KALRN: variants seen among roughly 807,000 people sequenced by gnomAD.
The protein encoded by KALRN is kalirin RhoGEF kinase.
KALRN carries 70 observed loss-of-function variants against 353.7 expected under a neutral mutation model. The observed-to-expected ratio is 0.20, with a 90% confidence interval of 0.16 to 0.24. The LOEUF (loss-of-function observed/expected upper bound fraction) is 0.24. Ranked by LOEUF, KALRN falls within the 10% of genes least tolerant of loss-of-function variation. The probability of loss-of-function intolerance (pLI) is 1.00; values close to 1 mark genes in which losing one functional copy is unlikely to be tolerated. For synonymous variants in KALRN, 1,391 were observed against 1,434.8 expected (o/e 0.97, Z 0.69); for missense variants, 2,791 against 3,756.7 (o/e 0.74, Z 6.72).
At chr3:124,331,128 A>G (rs1235699995) in intron 8 of KALRN, among the ~76,000 whole-genome samples, 2 of 152,206 alleles carry the variant, frequency 1.3e-5, no homozygotes, top group Non-Finnish European at 2.9e-5. Flanking sequence ...AAGTAGTAAC[A>G]CCTGTCTCAT....
intron 5 of KALRN, among the ~76,000 whole-genome samples, chr3:124,269,664 G>C (rs556645943): frequency 6.6e-6 from 1 of 152,308 alleles, no homozygotes; most frequent in African/African-American, 2.4e-5. Context: ...AACAAAAACA[G>C]TACTGTTAAC....
intron 3 of KALRN, among the ~76,000 whole-genome samples, chr3:124,246,728 T>C (rs1683678579): frequency 6.6e-6 from 1 of 152,230 alleles, no homozygotes; most frequent in African/African-American, 2.4e-5. Flanking sequence ...ATTAGGAAGC[T>C]GAAGTGTCTG....
chr3:124,459,810 A>G (rs576028489), intron 23 of KALRN, among the ~76,000 whole-genome samples: 1 of 152,338 alleles, frequency 6.6e-6, no homozygotes, highest in Admixed American at 6.5e-5. Context: ...ATGAAGTAGG[A>G]CCACAGGTTC....
Position 124,684,721 on chromosome 3 carries a change from C to T in KALRN, c.7377+5204C>T, listed in dbSNP as rs535010273. 4.6e-5 allele frequency among the ~76,000 whole-genome samples: 7 copies of T among 152,304 alleles called. No individual in the cohort carries two copies. The South Asian group carries it at 1.4e-3, about 32-fold the overall frequency. ...ACATTGAGATCCCGACCGAAGAGGA[C>T]GTGGAAGATTCTGTGCTTTGGCCAG... is the stretch of plus-strand genomic sequence containing the variant. On this transcript the variant is annotated intron_variant, in intron 51 of 59. Transcript: ENST00000682506.
chr3:124,179,887 C>T (rs566462975), intron 1 of KALRN, among the ~76,000 whole-genome samples: 5 of 152,162 alleles, frequency 3.3e-5, no homozygotes, highest in Admixed American at 1.3e-4. Context: ...AGTTTCGGAC[C>T]GAGGCTGGCT....
chr3:124,429,675 T>C (rs1389978842), intron 15 of KALRN, among the ~76,000 whole-genome samples: 1 of 152,214 alleles, frequency 6.6e-6, no homozygotes, highest in Non-Finnish European at 1.5e-5. Context: ...TAGAACTGTC[T>C]AGACAGTGTC....
chr3:124,717,456 G>A (rs2063188903), intron 59 of KALRN, 71 bp downstream of exon 59: 2 of 1,116,396 alleles, frequency 1.8e-6, no homozygotes, highest in Non-Finnish European at 2.5e-6. Flanking sequence ...GGAGGCCAAG[G>A]TGGGCGGATC....
At chr3:124,277,460 G>T (rs1158559449) in intron 5 of KALRN, among the ~76,000 whole-genome samples, 1 of 152,118 alleles carries the variant, frequency 6.6e-6, no homozygotes, top group Non-Finnish European at 1.5e-5. Context: ...TTTCCAGCCT[G>T]CTGGTCCTGG....
chr3:124,284,159 G>C (rs968286008), intron 5 of KALRN, among the ~76,000 whole-genome samples: 7 of 152,148 alleles, frequency 4.6e-5, no homozygotes, highest in Middle Eastern at 3.2e-3. Flanking sequence ...ATCAAGGCTG[G>C]CTTGGTCTCC....
chr3:124,062,575 C>T (rs200185209), intron 1 of KALRN, among the ~76,000 whole-genome samples: 2 of 152,132 alleles, frequency 1.3e-5, no homozygotes, highest in African/African-American at 2.4e-5. Flanking sequence ...CATCTTTAAC[C>T]CTGCATTAGA....
At chr3:124,662,721 T>C (rs1339818354) in intron 45 of KALRN, among the ~76,000 whole-genome samples, 1 of 152,210 alleles carries the variant, frequency 6.6e-6, no homozygotes, top group Non-Finnish European at 1.5e-5. Flanking sequence ...ACAAGTTTAC[T>C]AGGGCTGCCA....
chr3:124,392,660 A>AGT (rs2089592385), intron 11 of KALRN, among the ~76,000 whole-genome samples: 1 of 144,038 alleles, frequency 6.9e-6, no homozygotes, highest in Non-Finnish European at 1.5e-5. Context: ...GCTGGAGTGC[A>AGT]GCGGTGCAAT....
chr3:124,502,971 G>A (rs2064779523), intron 33 of KALRN, among the ~76,000 whole-genome samples: 1 of 152,192 alleles, frequency 6.6e-6, no homozygotes, highest in South Asian at 2.1e-4. Context: ...AGCATGTTAG[G>A]TTTAGCTGTG....
At chr3:124,550,040 T>C (rs962911285) in intron 33 of KALRN, among the ~76,000 whole-genome samples, 2 of 152,048 alleles carry the variant, frequency 1.3e-5, no homozygotes, top group Non-Finnish European at 1.5e-5. Flanking sequence ...ATGAGAAGAA[T>C]GGACAGTGGG....
chr3:124,305,712 A>G (rs916325901), intron 6 of KALRN, among the ~76,000 whole-genome samples: 1 of 152,000 alleles, frequency 6.6e-6, no homozygotes, highest in African/African-American at 2.4e-5. Context: ...GAATATTTCA[A>G]TAATCCAGTC....
At position 124,671,774 on chromosome 3, in the gene KALRN, G is replaced by A; in HGVS notation, c.6818G>A (p.Gly2273Asp). ...SPRPYSSVPA[G>D]SEKPPKGSSY... The stretch of plus-strand genomic sequence containing the variant: ...AGGCCCTACTCCTCTGTTCCTGCGG[G>A]CTCAGAGAAGCCCCCAAAGGGCTCC... The change falls in exon 48 of 60, where the codon GGC becomes GAC. Residue 2273 changes from glycine to aspartate, a missense_variant. Physicochemically the swap from Gly to Asp is moderately conservative, Grantham distance 94. Coordinates refer to ENST00000682506, the MANE Select transcript of KALRN (RefSeq NM_001388419.1). 6.2e-7 allele frequency: 1 copy of A among 1,614,136 alleles called. No individual in the cohort carries two copies. The highest frequency in any genetic ancestry group is 8.5e-7 in the Non-Finnish European group (1 of 1,180,004).
intron 1 of KALRN, among the ~76,000 whole-genome samples, chr3:124,089,149 A>G (rs1362042331): frequency 6.6e-6 from 1 of 152,260 alleles, no homozygotes; most frequent in Non-Finnish European, 1.5e-5. Context: ...TTGACAATAC[A>G]GGGGTTTCCT....
intron 46 of KALRN, 85 bp from the exon 47 acceptor site, chr3:124,666,927 A>C: frequency 7.1e-7 from 1 of 1,405,920 alleles, no homozygotes; most frequent in Non-Finnish European, 9.6e-7. Context: ...CTTGTCCTGA[A>C]ATAGAAACTT....
intron 1 of KALRN, among the ~76,000 whole-genome samples, chr3:124,172,803 C>A (rs1248660005): frequency 2.6e-5 from 4 of 152,084 alleles, no homozygotes. Flanking sequence ...CCATTCCAGG[C>A]TTTTAATGAC....
Sources: allele counts gnomAD v4.1 joint callset (sites outside exome capture counted in the v4.1 genomes callset), GRCh38; gene constraint gnomAD v4.1.1; transcripts MANE v1.5; gene names NCBI Gene and HGNC (gene_info 2026-07-23, HGNC 2026-07-21).